The following TRPM5 variants were observed in gnomAD, a reference collection of about 807,000 sequenced individuals.
The protein encoded by TRPM5 is MLSN1 and TRP-related.
TRPM5 carries 121 observed loss-of-function variants against 124.9 expected under a neutral mutation model. The observed-to-expected ratio is 0.97, with a 90% CI of 0.84 to 1.13. The LOEUF (loss-of-function observed/expected upper bound fraction) is 1.13, where lower values mean the gene tolerates loss of function less well. Among genes scored for constraint, TRPM5 ranks in the 50% most tolerant of loss-of-function variants. TRPM5 has a pLI of 0.00. For synonymous variants in TRPM5, 781 were observed against 700.5 expected, an observed-to-expected ratio of 1.11 and a Z score of -1.81; for missense variants, 1,643 against 1,589.1, an observed-to-expected ratio of 1.03 and a Z score of -0.58.
chr11:2,406,328 C>CCA (rs1041226116), intron 21 of TRPM5, among the ~76,000 whole-genome samples: 5 of 152,214 alleles, frequency 3.3e-5, no homozygotes, highest in Admixed American at 3.3e-4. Flanking sequence ...CCTGGGCGCA[C>CCA]CACCCAGAAA....
At chr11:2,424,737 C>T (rs1476713757), upstream of TRPM5, among the ~76,000 whole-genome samples, 2 of 152,232 alleles carry the variant, frequency 1.3e-5, no homozygotes. Flanking sequence ...GGACTCAGCA[C>T]TGGTGGCCTC....
the TRPM5 span, among the ~76,000 whole-genome samples, chr11:2,436,486 TCA>T: frequency 6.6e-6 from 1 of 152,220 alleles, no homozygotes; most frequent in East Asian, 1.9e-4. Flanking sequence ...GGCTGGCCTG[TCA>T]CACGTCCCGG....
chr11:2,439,718 A>C, the TRPM5 span, among the ~76,000 whole-genome samples: 1 of 152,244 alleles, frequency 6.6e-6, no homozygotes, highest in Non-Finnish European at 1.5e-5. Flanking sequence ...ACGCTTATAC[A>C]CTGTGGGTGG....
chr11:2,424,664 C>T (rs1056304428), upstream of TRPM5, among the ~76,000 whole-genome samples: 15 of 152,226 alleles, frequency 9.9e-5, no homozygotes, highest in Admixed American at 3.3e-4. Flanking sequence ...CCTGGAGCCC[C>T]GAAGCTGGAA....
exon 10 of TRPM5, chr11:2,415,020 C>G (rs377667014): frequency 3.7e-6 from 6 of 1,603,782 alleles, no homozygotes; most frequent in Non-Finnish European, 5.1e-6. Flanking sequence ...CACTTCTGGC[C>G]CGTGGGCCGC....
chr11:2,418,495 G>A (rs769767087), intron 5 of TRPM5, 32 bp downstream of exon 10: 13 of 1,598,294 alleles, frequency 8.1e-6, no homozygotes, highest in South Asian at 4.5e-5. Flanking sequence ...ACAAGGCTTC[G>A]GCCAGCCAGG....
chr11:2,425,990 T>C (rs1454881297), upstream of TRPM5, among the ~76,000 whole-genome samples: 1 of 152,164 alleles, frequency 6.6e-6, no homozygotes, highest in East Asian at 1.9e-4. Context: ...TGCTTTCCAG[T>C]GAGCCTCAGC....
intron 3 of TRPM5, among the ~76,000 whole-genome samples, 190 bp downstream of exon 8, chr11:2,420,842 G>A (rs374931190): frequency 2.0e-5 from 3 of 152,284 alleles, no homozygotes; most frequent in South Asian, 2.1e-4. Context: ...GTGAGGGCCC[G>A]CGCCACAGTC....
intron 12 of TRPM5, 98 bp from the exon 18 acceptor site, chr11:2,413,686 G>T: frequency 8.7e-7 from 1 of 1,149,958 alleles, no homozygotes; most frequent in Non-Finnish European, 1.3e-6. Context: ...TGGCCCACGT[G>T]AGCTGAAGGG....
chr11:2,414,256 G>A (rs377688423), intron 11 of TRPM5, 50 bp from the exon 17 acceptor site: 23 of 1,561,896 alleles, frequency 1.5e-5, no homozygotes, highest in African/African-American at 2.7e-5. Flanking sequence ...TGCCCGGCCC[G>A]GCCCCCGACG....
rs1850329890 is a variant in TRPM5, at chr11:2,406,674, TC to T, written c.3237del (p.Thr1081ProfsTer15). The T allele has an allele frequency of 6.2e-7, 1 of 1,611,310 alleles. No individual in the cohort carries two copies. The highest frequency in any genetic ancestry group is 1.3e-5 in the African/African-American group (1 of 74,910). ...AGGCCCCCGCACCTGTGGGCGGTTT[TC>T]CGCAGCACCTCCCCCTCGCTGTCCC... On this transcript the variant is annotated frameshift_variant, in exon 21 of 24. Transcript: ENST00000155858. LOFTEE classifies it high-confidence loss of function.
chr11:2,415,337 G>C, exon 9 of TRPM5: 1 of 1,585,412 alleles, frequency 6.3e-7, no homozygotes, highest in Non-Finnish European at 8.5e-7. Context: ...TGCGTGACAC[G>C]GAGCGGTAGA....
At chr11:2,410,259 C>T (rs1445449194) in intron 18 of TRPM5, among the ~76,000 whole-genome samples, 7 of 152,196 alleles carry the variant, frequency 4.6e-5, no homozygotes, top group South Asian at 2.1e-4. Context: ...GCGTCGCCCC[C>T]GCCTGTCCCC....
At chr11:2,428,508 G>A in the TRPM5 span, among the ~76,000 whole-genome samples, 2 of 151,936 alleles carry the variant, frequency 1.3e-5, no homozygotes, top group Non-Finnish European at 2.9e-5. This position sits in a 1 kb window ranked among gnomAD's most constrained non-coding sequence, Gnocchi z 4.0. Context: ...TGATGGTCAT[G>A]ATGGTGGTGG....
At position 2,407,356 on chromosome 11, in the gene TRPM5, C is replaced by T. The variant is rs555023607; in HGVS notation, c.2937-56G>A. 581 of 1,504,548 alleles carry T rather than the reference C, an allele frequency of 3.9e-4. 6 individuals carry two copies. In the South Asian group the frequency reaches 5.5e-3, roughly 14 times the overall value. 93.2% of individuals were successfully genotyped at this position (1,504,548 alleles called of 1,614,324 possible). A position where few individuals can be genotyped will look rare whatever the true frequency, so the allele number is the denominator to read the frequency against. ...CGGCTCCCCACGACCACTTGGGGGA[C>T]GCATCCCCCTGCACCCTGATTGCTG... On this transcript the variant is annotated intron_variant, in intron 19 of 23. Coordinates refer to ENST00000155858, the Ensembl canonical transcript of TRPM5.
intron 18 of TRPM5, 64 bp from the exon 24 acceptor site, chr11:2,407,976 T>C: frequency 1.3e-6 from 2 of 1,577,962 alleles, no homozygotes; most frequent in Admixed American, 1.7e-5. Flanking sequence ...CTTAGGCAAA[T>C]GCCCCGAGAT....
Position 2,406,010 on chromosome 11 carries a change from C to T in TRPM5, c.3324+9G>A. 1.2e-6 allele frequency: 2 copies of T among 1,610,022 alleles called. No homozygotes were observed. ...CCCATCAGGGAGAGGAGCTCTGGGGCTCGCTTGCCTGTGACTCCAGACACT... is the reference window on the plus strand; with the variant it reads ...CCCATCAGGGAGAGGAGCTCTGGGGTTCGCTTGCCTGTGACTCCAGACACT... On this transcript the variant is annotated intron_variant, in intron 22 of 23. Transcript: ENST00000155858.
At chr11:2,442,248 G>C in the TRPM5 span, among the ~76,000 whole-genome samples, 1 of 152,134 alleles carries the variant, frequency 6.6e-6, no homozygotes, top group Non-Finnish European at 1.5e-5. The surrounding 1 kb of genome is among the most constrained non-coding windows in gnomAD (Gnocchi z 5.9). Flanking sequence ...AGATAAAATA[G>C]CTGAGGAGTC....
the TRPM5 span, among the ~76,000 whole-genome samples, chr11:2,432,443 A>G: frequency 1.3e-5 from 2 of 151,954 alleles, no homozygotes; most frequent in Non-Finnish European, 2.9e-5. Flanking sequence ...AGCAACCCCA[A>G]TGGCTGACTG....
Sources: gnomAD v4.1 joint callset for allele counts (sites outside exome capture counted in the v4.1 genomes callset) on GRCh38, gnomAD v4.1.1 for gene constraint, Gnocchi (gnomAD v3.1) non-coding constraint, MANE v1.5 for transcripts, NCBI Gene and HGNC (gene_info 2026-07-23, HGNC 2026-07-21) for gene names.